The following FOXO3B variants were observed in gnomAD, a reference collection of about 807,000 sequenced individuals.
The protein encoded by FOXO3B is forkhead box O3B.
FOXO3B carries 15 observed loss-of-function variants against 21.9 expected under a neutral mutation model. The observed-to-expected ratio is 0.68, with a 90% CI of 0.46 to 1.05. The LOEUF is 1.05. FOXO3B is among the 50% of genes least tolerant of loss of function. The probability of loss-of-function intolerance (pLI) is 0.00; values close to 1 mark genes in which losing one functional copy is unlikely to be tolerated. For missense variants in FOXO3B, 293 were observed against 435.5 expected (o/e 0.67, Z 2.91); for synonymous variants, 135 against 213.6 (o/e 0.63, Z 3.21).
chr17:18,675,014 G>A (rs1341695035), intron 3 of FOXO3B, among the ~76,000 whole-genome samples: 1 of 152,066 alleles, frequency 6.6e-6, no homozygotes, highest in Non-Finnish European at 1.5e-5. Context: ...TTACCTCCTG[G>A]CCCATGTAAG....
At chr17:18,677,030 G>A (rs2032499147) in intron 3 of FOXO3B, among the ~76,000 whole-genome samples, 1 of 152,190 alleles carries the variant, frequency 6.6e-6, no homozygotes, top group Admixed American at 6.5e-5. Context: ...AACTGAATAT[G>A]TAATATTTTT....
chr17:18,671,628 G>T lies in FOXO3B; in HGVS notation c.*681C>A. 1 of 1,613,906 alleles carries T rather than the reference G, an allele frequency of 6.2e-7. No individual in the cohort carries two copies. The highest frequency in any genetic ancestry group is 1.7e-5 in the Admixed American group (1 of 60,024). ...GTTCAGAGATGAAGGTCCAAACACC[G>T]TGCTGTTAAAGGAGCTGGTTGGGGA... On this transcript the variant is annotated 3_prime_UTR_variant, in exon 4 of 4. Coordinates refer to ENST00000395675, the MANE Select transcript of FOXO3B (RefSeq NM_001368135.1).
In FOXO3B at chr17:18,669,676, T is replaced by C. The variant is rs1205925097; in HGVS notation, c.*2633A>G. Among the ~76,000 whole-genome samples, 1 of 152,238 alleles carries C rather than the reference T, an allele frequency of 6.6e-6. No homozygotes were observed. Among genetic ancestry groups the C allele is most frequent in the Non-Finnish European group, 1.5e-5 (1 of 68,040 alleles). ...AAAACTGCCCTATTTTGTACTTCCA[T>C]TGAGTCGCTTGTACAATTACAACCT... is the stretch of plus-strand genomic sequence containing the variant. On this transcript the variant is annotated 3_prime_UTR_variant, in exon 4 of 4. Transcript: ENST00000395675.
chr17:18,671,845 G>T lies in FOXO3B; in HGVS notation c.*464C>A, dbSNP rs1441589474. 19 of 1,611,972 alleles carry T rather than the reference G, an allele frequency of 1.2e-5. No homozygotes were observed. The highest frequency in any genetic ancestry group is 1.7e-5 in the Admixed American group (1 of 59,860). On this transcript the variant is annotated 3_prime_UTR_variant, in exon 4 of 4. Transcript: ENST00000395675. ...CAGCCGTAGCAGTTCCACCGTGCAC[G>T]GCTTGCTTACTGAAGGTGACAGGCT...
At position 18,671,399 on chromosome 17, in the gene FOXO3B, C is replaced by T; in HGVS notation, c.*910G>A. 6.2e-7 allele frequency: 1 copy of T among 1,611,716 alleles called. No homozygotes were observed. Among genetic ancestry groups the T allele is most frequent in the South Asian group, 1.1e-5 (1 of 90,946 alleles). On this transcript the variant is annotated 3_prime_UTR_variant, in exon 4 of 4. Transcript: ENST00000395675. ...ACATCATCGGATCATTGCGAAGCAT[C>T]ACGTTCCGGCGGGAATTCTGGGCAG...
intron 3 of FOXO3B, among the ~76,000 whole-genome samples, chr17:18,674,426 T>C (rs11658285): frequency 0.15 from 22,146 of 144,540 alleles, 1,994 homozygotes; most frequent in African/African-American, 0.22. Flanking sequence ...GAGATCGAGA[T>C]CATCCTGGCT....
chr17:18,674,639 AGG>A (rs34466734), intron 3 of FOXO3B, among the ~76,000 whole-genome samples: 2 of 121,408 alleles, frequency 1.6e-5, no homozygotes, highest in East Asian at 2.8e-4. Context: ...AAAAAAAAAA[AGG>A]GGGGGGGGAG....
chr17:18,677,410 T>G (rs1597496891), intron 3 of FOXO3B: 9 of 1,614,108 alleles, frequency 5.6e-6, no homozygotes, highest in Non-Finnish European at 7.6e-6. Context: ...ACGGCTGAGC[T>G]GGGCATCCGA....
rs888021066 is a variant in FOXO3B, at chr17:18,667,659, T to G, written c.*4650A>C. 6 of 152,036 alleles carry G rather than the reference T, an allele frequency of 3.9e-5. No homozygotes were observed. The highest frequency in any genetic ancestry group is 6.5e-5 in the Admixed American group (1 of 15,272). The allele number at this position is 152,036 out of a possible 1,614,324, so 9.4% of individuals were successfully genotyped here. On this transcript the variant is annotated 3_prime_UTR_variant, in exon 4 of 4. Transcript: ENST00000395675. ...TTCATTCACATTTAATGGGGTACAC[T>G]GAGCCTGGCAGCCAGTTCTCATGCC...
chr17:18,677,529 C>G, intron 3 of FOXO3B: 4 of 1,611,684 alleles, frequency 2.5e-6, no homozygotes, highest in East Asian at 4.5e-5. Context: ...GTATGCGGCT[C>G]GGGCCCGTCT....
chr17:18,677,634 T>G, intron 3 of FOXO3B: 1 of 1,608,984 alleles, frequency 6.2e-7, no homozygotes, highest in Non-Finnish European at 8.5e-7. Flanking sequence ...CTCCACCGAC[T>G]CTGGGGCCCC....
chr17:18,670,243 A>T lies in FOXO3B; in HGVS notation c.*2066T>A, dbSNP rs1484648267. ...GGTTCAGTCCTGGACGGGTGCGCAT[A>T]GCAAACAATTGTGCCATTGTTCAGT... On this transcript the variant is annotated 3_prime_UTR_variant, in exon 4 of 4. Coordinates refer to ENST00000395675, the MANE Select transcript of FOXO3B (RefSeq NM_001368135.1). 6.6e-6 allele frequency among the ~76,000 whole-genome samples: 1 copy of T among 152,256 alleles called. No homozygotes were observed. Among genetic ancestry groups the T allele is most frequent in the Non-Finnish European group, 1.5e-5 (1 of 68,044 alleles).
intron 3 of FOXO3B, among the ~76,000 whole-genome samples, chr17:18,675,563 C>T (rs2032468045): frequency 1.3e-5 from 2 of 151,712 alleles, no homozygotes. Flanking sequence ...TAATAATATC[C>T]AGGAAGGATT....
Position 18,671,859 on chromosome 17 carries a change from A to G in FOXO3B, c.*450T>C. 1 of 1,613,144 alleles carries G rather than the reference A, an allele frequency of 6.2e-7. No homozygotes were observed. Among genetic ancestry groups the G allele is most frequent in the Non-Finnish European group, 8.5e-7 (1 of 1,179,380 alleles). On this transcript the variant is annotated 3_prime_UTR_variant, in exon 4 of 4. Coordinates refer to ENST00000395675, the MANE Select transcript of FOXO3B (RefSeq NM_001368135.1). Reference sequence around the variant, plus strand: ...CCACCGTGCACGGCTTGCTTACTGAAGGTGACAGGCTCGCTGAGCTGCTGT... The same window carrying G: ...CCACCGTGCACGGCTTGCTTACTGAGGGTGACAGGCTCGCTGAGCTGCTGT...
intron 3 of FOXO3B, among the ~76,000 whole-genome samples, chr17:18,674,649 G>A (rs865996418): frequency 6.9e-6 from 1 of 144,522 alleles, no homozygotes; most frequent in Non-Finnish European, 1.5e-5. Context: ...AGGGGGGGGG[G>A]AGATTACAGA....
rs1332454831 is a variant in FOXO3B, at chr17:18,671,918, G to A, written c.*391C>T. ...GGCGAGAGAGGCGCATCGTCGTCCT[G>A]GACTTCATCCAACTCTGTGCTTGCC... On this transcript the variant is annotated 3_prime_UTR_variant, in exon 4 of 4. Transcript: ENST00000395675. The A allele has an allele frequency of 1.2e-5, 19 of 1,613,408 alleles. No homozygotes were observed. Among genetic ancestry groups the A allele is most frequent in the Non-Finnish European group, 1.4e-5 (17 of 1,179,738 alleles).
chr17:18,679,918 CA>C (rs1597497846), intron 3 of FOXO3B, among the ~76,000 whole-genome samples: 1 of 151,964 alleles, frequency 6.6e-6, no homozygotes, highest in African/African-American at 2.4e-5. Context: ...CGGCTTACTG[CA>C]ACCTCCACCT....
chr17:18,677,231 T>C, intron 3 of FOXO3B: 1 of 1,560,948 alleles, frequency 6.4e-7, no homozygotes, highest in Non-Finnish European at 8.7e-7. Context: ...ATCTATCCTC[T>C]GATAAAACAA....
intron 3 of FOXO3B, among the ~76,000 whole-genome samples, chr17:18,673,595 G>C (rs1408702108): frequency 1.3e-5 from 2 of 152,104 alleles, no homozygotes; most frequent in Non-Finnish European, 2.9e-5. Context: ...GCACAGAGAT[G>C]GAAGAAGAGT....
Sources: gnomAD v4.1 joint callset for allele counts (sites outside exome capture counted in the v4.1 genomes callset) on GRCh38, gnomAD v4.1.1 for gene constraint, MANE v1.5 for transcripts, NCBI Gene and HGNC (gene_info 2026-07-23, HGNC 2026-07-21) for gene names.